The following PDE4B variants were observed in gnomAD, a reference collection of about 807,000 sequenced individuals.
The protein encoded by PDE4B is phosphodiesterase 4B, also known as 3',5'-cyclic-AMP phosphodiesterase 4B.
In PDE4B, 20 loss-of-function variants were observed where a neutral mutation model predicts 82.2. That is an observed-to-expected ratio of 0.24 (90% CI 0.17 to 0.35). PDE4B has a LOEUF of 0.35. Ranked by LOEUF, PDE4B falls within the 10% of genes least tolerant of loss-of-function variation. PDE4B has a pLI of 1.00. For missense variants in PDE4B, 655 were observed against 907.2 expected (o/e 0.72, Z 3.57); for synonymous variants, 320 against 318.9 (o/e 1.00, Z -0.04).
intron 1 of PDE4B, among the ~76,000 whole-genome samples, chr1:65,852,625 C>T (rs1243017787): frequency 6.6e-6 from 1 of 151,952 alleles, no homozygotes; most frequent in Non-Finnish European, 1.5e-5. Flanking sequence ...CTGTTTATCA[C>T]AGAATTTTAT....
intron 3 of PDE4B, among the ~76,000 whole-genome samples, chr1:66,119,058 G>A (rs1645655984): frequency 6.6e-6 from 1 of 152,094 alleles, no homozygotes; most frequent in Non-Finnish European, 1.5e-5. Flanking sequence ...AGATGAAGGA[G>A]CATTTACAAG....
chr1:66,225,085 C>A (rs1651330799), intron 3 of PDE4B, among the ~76,000 whole-genome samples: 1 of 152,184 alleles, frequency 6.6e-6, no homozygotes, highest in Admixed American at 6.5e-5. Context: ...TTTGCACCTG[C>A]ATCTGTCTCC....
chr1:66,281,795 C>T (rs1024353566), intron 7 of PDE4B, among the ~76,000 whole-genome samples: 2 of 152,216 alleles, frequency 1.3e-5, no homozygotes, highest in Non-Finnish European at 2.9e-5. Flanking sequence ...TTATCCTCAA[C>T]AACCTTCTAT....
At chr1:65,825,853 A>T (rs1222544044) in intron 1 of PDE4B, among the ~76,000 whole-genome samples, 1 of 151,380 alleles carries the variant, frequency 6.6e-6, no homozygotes, top group Non-Finnish European at 1.5e-5. Context: ...TTTTTTCTTT[A>T]AAAACAACTT....
At chr1:66,156,939 C>G (rs1029114771) in intron 3 of PDE4B, among the ~76,000 whole-genome samples, 1 of 152,282 alleles carries the variant, frequency 6.6e-6, no homozygotes, top group African/African-American at 2.4e-5. Flanking sequence ...CTCAACCAGA[C>G]CCTAGTTTTC....
intron 1 of PDE4B, among the ~76,000 whole-genome samples, chr1:65,836,594 C>T (rs1646142716): frequency 1.3e-5 from 2 of 152,180 alleles, no homozygotes; most frequent in Admixed American, 1.3e-4. Flanking sequence ...CTAAGCTAAG[C>T]ACTTGTACTA....
intron 1 of PDE4B, among the ~76,000 whole-genome samples, chr1:65,868,994 C>G (rs1042602508): frequency 7.2e-5 from 11 of 152,136 alleles, no homozygotes; most frequent in African/African-American, 2.7e-4. Context: ...GGTTGGGGAC[C>G]ACTGCCCTAT....
chr1:65,849,280 T>A (rs1280798579), intron 1 of PDE4B, among the ~76,000 whole-genome samples: 1 of 152,124 alleles, frequency 6.6e-6, no homozygotes, highest in African/African-American at 2.4e-5. Context: ...GGGAAGCTGT[T>A]GAAGTGGAGG....
At chr1:66,293,947 T>A (rs1286997906) in intron 7 of PDE4B, among the ~76,000 whole-genome samples, 1 of 152,212 alleles carries the variant, frequency 6.6e-6, no homozygotes, top group Non-Finnish European at 1.5e-5. Flanking sequence ...GGCTCATGCC[T>A]GTAATCCCAG....
chr1:66,354,408 T>A, intron 8 of PDE4B: 1 of 987,176 alleles, frequency 1.0e-6, no homozygotes, highest in Admixed American at 6.1e-5. Context: ...TTTTAAAAGA[T>A]GGCTGTGTTT....
intron 8 of PDE4B, among the ~76,000 whole-genome samples, chr1:66,340,079 G>C (rs978742523): frequency 3.3e-5 from 5 of 152,100 alleles, no homozygotes; most frequent in African/African-American, 1.2e-4. Flanking sequence ...ACAGTCAATA[G>C]GTTTCACACT....
chr1:65,878,679 A>G (rs1271027313), intron 1 of PDE4B, among the ~76,000 whole-genome samples: 1 of 152,156 alleles, frequency 6.6e-6, no homozygotes, highest in Non-Finnish European at 1.5e-5. Flanking sequence ...AGAGTTGAAC[A>G]ATGAGAACAC....
intron 3 of PDE4B, chr1:65,992,628 G>GGT: frequency 1.5e-6 from 1 of 669,820 alleles, no homozygotes; most frequent in Non-Finnish European, 2.0e-6. Context: ...TGTGTAGCTT[G>GGT]CAGACAAACC....
At chr1:65,970,142 G>A (rs1365195084) in intron 3 of PDE4B, among the ~76,000 whole-genome samples, 2 of 151,300 alleles carry the variant, frequency 1.3e-5, no homozygotes, top group East Asian at 1.9e-4. Context: ...CATGTAGCAG[G>A]CATTCAAACT....
chr1:66,304,782 T>C (rs1253075825), intron 7 of PDE4B, among the ~76,000 whole-genome samples: 1 of 152,050 alleles, frequency 6.6e-6, no homozygotes, highest in African/African-American at 2.4e-5. Flanking sequence ...TTCAAGAAAT[T>C]CTCACCTTCT....
chr1:65,953,863 TAATAAAATAAAG>T (rs1649125089), intron 3 of PDE4B, among the ~76,000 whole-genome samples: 4 of 152,074 alleles, frequency 2.6e-5, no homozygotes, highest in Admixed American at 2.6e-4. Context: ...TTTGGGTGAA[TAATAAAATAAAG>T]AATAAAATAA....
intron 6 of PDE4B, among the ~76,000 whole-genome samples, chr1:66,264,298 T>G (rs1654883859): frequency 6.6e-6 from 1 of 152,198 alleles, no homozygotes; most frequent in Admixed American, 6.5e-5. Context: ...CTCTTAATTT[T>G]CCTGAAAAAC....
chr1:65,950,261 C>G (rs1485118781), intron 3 of PDE4B, among the ~76,000 whole-genome samples: 1 of 152,148 alleles, frequency 6.6e-6, no homozygotes, highest in Non-Finnish European at 1.5e-5. Context: ...CCACCTGTAT[C>G]CCATCACAGG....
At chr1:66,169,288 A>G (rs1187682015) in intron 3 of PDE4B, among the ~76,000 whole-genome samples, 1 of 152,160 alleles carries the variant, frequency 6.6e-6, no homozygotes, top group Non-Finnish European at 1.5e-5. Context: ...TTTAAGTGCT[A>G]TTGTATCTGC....
Sources: allele counts gnomAD v4.1 joint callset (sites outside exome capture counted in the v4.1 genomes callset), GRCh38; gene constraint gnomAD v4.1.1; transcripts MANE v1.5; gene names NCBI Gene and HGNC (gene_info 2026-07-23, HGNC 2026-07-21).